STAMBPL1: variants seen among roughly 807,000 people sequenced by gnomAD.
STAMBPL1 encodes AMSH-like protease.
In STAMBPL1, 44 loss-of-function variants were observed where a neutral mutation model predicts 52.9. That is an observed-to-expected ratio of 0.83 (90% CI 0.65 to 1.07). The LOEUF is 1.07. Ranked by LOEUF, STAMBPL1 falls within the 50% of genes least tolerant of loss-of-function variation. The pLI, the probability that STAMBPL1 is intolerant of heterozygous loss-of-function variation, is 0.00. For missense variants in STAMBPL1, 511 were observed against 520.8 expected, an observed-to-expected ratio of 0.98 and a Z score of 0.18; for synonymous variants, 164 against 177.3, an observed-to-expected ratio of 0.92 and a Z score of 0.60.
At chr10:88,918,280 T>C (rs773376622) in intron 8 of STAMBPL1, among the ~76,000 whole-genome samples, 114 of 135,180 alleles carry the variant, frequency 8.4e-4, no homozygotes, top group Non-Finnish European at 1.1e-3. Context: ...AGGAGCAGCA[T>C]GCACACACAC....
chr10:88,895,440 G>A (rs981322963), intron 1 of STAMBPL1, among the ~76,000 whole-genome samples: 3 of 152,176 alleles, frequency 2.0e-5, no homozygotes, highest in African/African-American at 7.2e-5. Context: ...TCTGTCAAAA[G>A]CTCATTGCAA....
intron 1 of STAMBPL1, among the ~76,000 whole-genome samples, chr10:88,886,828 C>T (rs998541740): frequency 6.6e-6 from 1 of 152,146 alleles, no homozygotes; most frequent in African/African-American, 2.4e-5. Context: ...TGCTAGTGCA[C>T]TAATCAGCTA....
At chr10:88,887,088 A>G (rs1264419731) in intron 1 of STAMBPL1, among the ~76,000 whole-genome samples, 3 of 152,208 alleles carry the variant, frequency 2.0e-5, no homozygotes, top group Admixed American at 6.5e-5. Context: ...TCCACAAGAT[A>G]AGTTTTCTTT....
rs566698051 is a variant in STAMBPL1, at chr10:88,888,218, C to T, written c.-54+7580C>T. On this transcript the variant is annotated intron_variant, in intron 1 of 10. Coordinates refer to ENST00000371926, the MANE Select transcript of STAMBPL1 (RefSeq NM_020799.4). ...GAAGACATTAGTGAGTAGTGGAAGA[C>T]ACAGAGAAGGGGAAAGGCTCAGATA... Among the ~76,000 whole-genome samples the T allele has an allele frequency of 1.3e-3, 191 of 152,230 alleles. 1 individual carries two copies. Among genetic ancestry groups the T allele is most frequent in the African/African-American group, 4.3e-3 (180 of 41,524 alleles).
intron 1 of STAMBPL1, chr10:88,882,923 A>G (rs1367980087): frequency 6.6e-6 from 1 of 151,940 alleles, no homozygotes; most frequent in Non-Finnish European, 1.5e-5. Context: ...GGTTTGTTAC[A>G]TATGTATACA....
chr10:88,901,487 G>A (rs1162796691), intron 1 of STAMBPL1, 169 bp from the exon 2 acceptor site: 1 of 399,260 alleles, frequency 2.5e-6, no homozygotes, highest in Non-Finnish European at 4.5e-6. Flanking sequence ...ACCACTTGCA[G>A]TTTTGTATTT....
intron 1 of STAMBPL1, among the ~76,000 whole-genome samples, chr10:88,889,207 A>T (rs1156954404): frequency 6.6e-6 from 1 of 152,134 alleles, no homozygotes. Flanking sequence ...ACCATGCTGC[A>T]GTGTGTGTGT....
chr10:88,886,222 G>A (rs932891687), intron 1 of STAMBPL1, among the ~76,000 whole-genome samples: 1 of 152,212 alleles, frequency 6.6e-6, no homozygotes, highest in African/African-American at 2.4e-5. Context: ...CATTGAAGAT[G>A]ATAGATTTAC....
chr10:88,918,376 G>A (rs766393774), intron 8 of STAMBPL1, among the ~76,000 whole-genome samples: 11 of 151,830 alleles, frequency 7.2e-5, no homozygotes, highest in Non-Finnish European at 1.5e-4. Flanking sequence ...GGAGACTTTA[G>A]TCCCAACTCT....
chr10:88,890,563 G>A (rs556912051), intron 1 of STAMBPL1, among the ~76,000 whole-genome samples: 85 of 152,328 alleles, frequency 5.6e-4, no homozygotes, highest in African/African-American at 2.0e-3. Flanking sequence ...TTAAGGGAAG[G>A]GGTAGGTGCA....
intron 6 of STAMBPL1, among the ~76,000 whole-genome samples, chr10:88,914,249 A>G (rs113516829): frequency 0.03 from 4,567 of 152,284 alleles, 94 homozygotes; most frequent in Non-Finnish European, 0.042. Context: ...TATTTGCTTC[A>G]TGCCTAAAGA....
chr10:88,902,148 C>G (rs767284620), intron 2 of STAMBPL1, among the ~76,000 whole-genome samples: 5 of 152,148 alleles, frequency 3.3e-5, no homozygotes, highest in Non-Finnish European at 5.9e-5. Flanking sequence ...GCTTTGGATC[C>G]TCGTGTAAAT....
At chr10:88,890,753 A>T (rs900221000) in intron 1 of STAMBPL1, among the ~76,000 whole-genome samples, 1 of 152,236 alleles carries the variant, frequency 6.6e-6, no homozygotes, top group African/African-American at 2.4e-5. Context: ...TCTGTATCTC[A>T]TTATAGCCAC....
chr10:88,889,048 A>G (rs1457168393), intron 1 of STAMBPL1, among the ~76,000 whole-genome samples: 1 of 152,232 alleles, frequency 6.6e-6, no homozygotes, highest in Non-Finnish European at 1.5e-5. Flanking sequence ...TTTATATGTT[A>G]TTCCACAGCT....
rs777459791 is a variant in STAMBPL1, at chr10:88,907,385, G to A, written c.249-1317G>A. On this transcript the variant is annotated intron_variant, in intron 3 of 10. Transcript: ENST00000371926. ...TGGGAAAATCACTTGTTTTTAGAAA[G>A]TTAAGTAATAAATATGAAATTAGAA... Among the ~76,000 whole-genome samples the A allele has an allele frequency of 5.9e-5, 9 of 152,268 alleles. 2 individuals carry two copies. In the South Asian group the frequency reaches 1.2e-3, roughly 21 times the overall value.
intron 3 of STAMBPL1, 101 bp from the exon 4 acceptor site, chr10:88,908,601 A>G (rs1845135950): frequency 1.1e-6 from 1 of 950,040 alleles, no homozygotes; most frequent in Non-Finnish European, 1.6e-6. Context: ...ATAAGTTATT[A>G]AACATGTCAT....
At chr10:88,894,403 G>A (rs768534315) in intron 1 of STAMBPL1, among the ~76,000 whole-genome samples, 2 of 151,820 alleles carry the variant, frequency 1.3e-5, no homozygotes, top group Non-Finnish European at 2.9e-5. Flanking sequence ...TATTGAAGGC[G>A]ACATAGTACC....
intron 1 of STAMBPL1, among the ~76,000 whole-genome samples, chr10:88,898,855 G>A (rs1465022938): frequency 1.3e-5 from 2 of 152,050 alleles, no homozygotes; most frequent in African/African-American, 2.4e-5. Flanking sequence ...TTACATTTTC[G>A]GCCATCTTTT....
intron 1 of STAMBPL1, among the ~76,000 whole-genome samples, chr10:88,881,847 T>G (rs1040378075): frequency 5.9e-5 from 9 of 152,234 alleles, no homozygotes; most frequent in Non-Finnish European, 1.2e-4. Flanking sequence ...TAGTGGGCAT[T>G]GTGTAGCTAC....
Sources: gnomAD v4.1 joint callset for allele counts (sites outside exome capture counted in the v4.1 genomes callset) on GRCh38, gnomAD v4.1.1 for gene constraint, MANE v1.5 for transcripts, NCBI Gene and HGNC (gene_info 2026-07-23, HGNC 2026-07-21) for gene names.